The following GIGYF2 variants were observed in gnomAD, a reference collection of about 807,000 sequenced individuals.
GIGYF2 encodes GRB10 interacting GYF protein 2.
Under a neutral mutation model 208.1 loss-of-function variants are expected in GIGYF2, and 25 were observed. That is an observed-to-expected ratio of 0.12 (90% CI 0.09 to 0.17). The LOEUF (loss-of-function observed/expected upper bound fraction) is 0.17, where lower values mean the gene tolerates loss of function less well. Ranked by LOEUF, GIGYF2 falls within the 10% of genes least tolerant of loss-of-function variation. GIGYF2 has a pLI of 1.00. For synonymous variants in GIGYF2, 534 were observed against 543.8 expected (o/e 0.98, Z 0.25); for missense variants, 1,302 against 1,579.4 (o/e 0.82, Z 2.98).
intron 21 of GIGYF2, among the ~76,000 whole-genome samples, chr2:232,821,487 C>T (rs903613645): frequency 3.3e-5 from 5 of 152,224 alleles, no homozygotes; most frequent in East Asian, 3.8e-4. Flanking sequence ...CATGAGCCAC[C>T]GCGCCTGGCC....
chr2:232,790,601 C>A, intron 9 of GIGYF2, 97 bp from the exon 10 acceptor site: 2 of 1,022,140 alleles, frequency 2.0e-6, no homozygotes, highest in South Asian at 2.5e-5. Context: ...AGTTTGCGGT[C>A]ACTTGTAGTT....
chr2:232,711,053 C>T (rs960792990), intron 2 of GIGYF2, among the ~76,000 whole-genome samples: 1 of 151,072 alleles, frequency 6.6e-6, no homozygotes, highest in African/African-American at 2.4e-5. Flanking sequence ...GATATGCTCT[C>T]TAGGGTATGT....
rs1164125818 is a variant in GIGYF2 at position 232,856,778 on chromosome 2, GT to G, written c.3833-7del. ...GCCTGGGTGTGGTCACTCATAGCCA[GT>G]TTTTTTTCTGCAGGATTTTCAGTCA... On this transcript the variant is annotated splice_polypyrimidine_tract_variant and intron_variant, in intron 28 of 28. Coordinates refer to ENST00000373563, the MANE Select transcript of GIGYF2 (RefSeq NM_001103146.3). 8.2e-6 allele frequency: 13 copies of G among 1,586,644 alleles called. No homozygotes were observed. Among genetic ancestry groups the G allele is most frequent in the Non-Finnish European group, 1.1e-5 (13 of 1,155,376 alleles).
intron 13 of GIGYF2, 81 bp from the exon 14 acceptor site, chr2:232,795,981 A>G: frequency 1.0e-6 from 1 of 997,498 alleles, no homozygotes; most frequent in South Asian, 1.3e-5. Context: ...GTCCAAAAAA[A>G]AGGGGCAGGC....
In GIGYF2 at chr2:232,817,000, C is replaced by A. The variant is rs1700935461; in HGVS notation, c.2338C>A (p.Arg780=). Residue 780 remains arginine (R), a synonymous_variant, in exon 20 of 29, where the codon CGA becomes AGA. Transcript: ENST00000373563. ...ACAGCAGGAAGAAGAAAGGAAAAGG[C>A]GAGAGGAAGAAGAACTTGCCCGAAG... ...RRQQEEERKR[R]EEEELARRKQ... 2.5e-6 allele frequency: 4 copies of A among 1,613,340 alleles called. No homozygotes were observed. Among genetic ancestry groups the A allele is most frequent in the Non-Finnish European group, 3.4e-6 (4 of 1,179,342 alleles).
At chr2:232,740,125 C>T (rs898185472) in intron 3 of GIGYF2, among the ~76,000 whole-genome samples, 1 of 151,700 alleles carries the variant, frequency 6.6e-6, no homozygotes, top group Admixed American at 6.6e-5. Context: ...TTCAAGCAAA[C>T]GAACGAATAT....
intron 8 of GIGYF2, chr2:232,767,861 G>T: frequency 3.5e-6 from 1 of 286,182 alleles, no homozygotes; most frequent in Admixed American, 4.9e-5. Flanking sequence ...GATTTTCTTA[G>T]AGTTCAGTTG....
chr2:232,706,518 C>T (rs557530077), intron 2 of GIGYF2, among the ~76,000 whole-genome samples: 1 of 152,278 alleles, frequency 6.6e-6, no homozygotes, highest in South Asian at 2.1e-4. Flanking sequence ...TGGCTCACGC[C>T]TGTAATCCCA....
chr2:232,852,019 G>C (rs933251437), intron 28 of GIGYF2, among the ~76,000 whole-genome samples: 1 of 152,176 alleles, frequency 6.6e-6, no homozygotes, highest in African/African-American at 2.4e-5. Context: ...GTTGCCATTT[G>C]CTGTGAAATG....
intron 3 of GIGYF2, among the ~76,000 whole-genome samples, chr2:232,740,364 T>C (rs752115265): frequency 2.6e-5 from 4 of 152,210 alleles, no homozygotes; most frequent in Non-Finnish European, 4.4e-5. Context: ...AGAATAATTA[T>C]AGACATTACC....
rs1187246394 is a variant in GIGYF2 at position 232,860,238 on chromosome 2, C to G, written c.*3378C>G. 1 of 152,088 alleles carries G rather than the reference C, an allele frequency of 6.6e-6. No homozygotes were observed. The highest frequency in any genetic ancestry group is 1.5e-5 in the Non-Finnish European group (1 of 68,020). The allele number at this position is 152,088 out of a possible 1,614,324, so 9.4% of individuals were successfully genotyped here. A position where few individuals can be genotyped will look rare whatever the true frequency, so the allele number is the denominator to read the frequency against. Reference sequence around the variant, plus strand: ...TCTCAAACCCCTGGGCTCAAGTGATCCTGTTGCCTCAGCCTCCCAAGTAGC... The same window carrying G: ...TCTCAAACCCCTGGGCTCAAGTGATGCTGTTGCCTCAGCCTCCCAAGTAGC... On this transcript the variant is annotated 3_prime_UTR_variant, in exon 29 of 29. Transcript: ENST00000373563.
In GIGYF2 at chr2:232,806,632, C is replaced by T. The variant is rs1327359913; in HGVS notation, c.1781C>T (p.Pro594Leu). ...ATGTGGGGAAGGGTTCCCTTTTCTC[C>T]AGGTCCAGCTCCCCCTCCTCATATG... The part of the protein sequence containing the change: ...MKMWGRVPFS[P>L]GPAPPPHMGE... The change falls in exon 15 of 29, where the codon CCA (proline) becomes CTA (leucine). Residue 594 changes from proline to leucine, a missense_variant. Pro to Leu is a moderately conservative substitution (Grantham distance 98). Transcript: ENST00000373563. This position sits in a 1 kb window ranked among gnomAD's most constrained non-coding sequence, Gnocchi z 4.0. 3 of 1,612,784 alleles carry T rather than the reference C, an allele frequency of 1.9e-6. No homozygotes were observed. The highest frequency in any genetic ancestry group is 2.7e-5 in the African/African-American group (2 of 74,880).
At chr2:232,803,195 C>G (rs576014909) in intron 14 of GIGYF2, among the ~76,000 whole-genome samples, 1 of 152,304 alleles carries the variant, frequency 6.6e-6, no homozygotes, top group Admixed American at 6.5e-5. Flanking sequence ...CCGGCCTGTT[C>G]AGAGATTTTT....
chr2:232,793,547 G>C (rs1700134689), intron 12 of GIGYF2, among the ~76,000 whole-genome samples: 1 of 152,158 alleles, frequency 6.6e-6, no homozygotes, highest in African/African-American at 2.4e-5. Flanking sequence ...GAGAAATTCA[G>C]TTTTGAACAC....
intron 20 of GIGYF2, among the ~76,000 whole-genome samples, chr2:232,819,278 G>C (rs1701005033): frequency 6.6e-6 from 1 of 152,166 alleles, no homozygotes; most frequent in East Asian, 1.9e-4. Context: ...GTGTTGCGCA[G>C]TTTTCTATAA....
In GIGYF2 at chr2:232,796,213, A is replaced by G; in HGVS notation, c.1631A>G (p.Glu544Gly). Residue 544 changes from glutamate to glycine, a missense_variant, in exon 14 of 29, where the codon GAA becomes GGA. By Grantham distance (98) the Glu-to-Gly change is moderately conservative. Transcript: ENST00000373563. ...TGGTATTACAAAGATCCTCAGGGAG[A>G]AATTCAAGGCAAGTTGTTCCTTTTT... is the stretch of plus-strand genomic sequence containing the variant. ...QKWYYKDPQG[E>G]IQGPFNNQEM... The G allele has an allele frequency of 6.3e-7, 1 of 1,598,122 alleles. No homozygotes were observed. Among genetic ancestry groups the G allele is most frequent in the Non-Finnish European group, 8.6e-7 (1 of 1,165,356 alleles).
At chr2:232,824,453 G>A (rs1701188850) in intron 21 of GIGYF2, among the ~76,000 whole-genome samples, 2 of 152,178 alleles carry the variant, frequency 1.3e-5, no homozygotes, top group South Asian at 2.1e-4. Context: ...TAGTGGTCTG[G>A]ATAGAAGATC....
intron 2 of GIGYF2, among the ~76,000 whole-genome samples, chr2:232,723,643 C>G (rs982090032): frequency 2.0e-5 from 3 of 150,482 alleles, no homozygotes; most frequent in Non-Finnish European, 4.4e-5. Flanking sequence ...ATTGGCCAGG[C>G]TGGTCTTGAA....
At position 232,762,491 on chromosome 2, in the gene GIGYF2, T is replaced by C. The variant is rs1024281208; in HGVS notation, c.532+1055T>C. On this transcript the variant is annotated intron_variant, in intron 8 of 28. Transcript: ENST00000373563. ...TGATCTTGAACTCCTGACCTCGTGA[T>C]CCACCCGCCTCAGCCTCCCAAAATG... Among the ~76,000 whole-genome samples the C allele has an allele frequency of 1.0e-3, 155 of 152,092 alleles. 1 individual carries two copies. The highest frequency in any genetic ancestry group is 3.5e-3 in the African/African-American group (144 of 41,504).
Sources: allele counts gnomAD v4.1 joint callset (sites outside exome capture counted in the v4.1 genomes callset), GRCh38; gene constraint gnomAD v4.1.1; non-coding constraint Gnocchi (gnomAD v3.1); transcripts MANE v1.5; gene names NCBI Gene and HGNC (gene_info 2026-07-23, HGNC 2026-07-21).